B3GALT1: variants seen among roughly 807,000 people sequenced by gnomAD.
B3GALT1 encodes the protein beta-1,3-galactosyltransferase 1, also known as UDP-Gal:betaGlcNAc beta 1,3-galactosyltransferase, polypeptide 1.
B3GALT1 carries 10 observed loss-of-function variants against 23.2 expected under a neutral mutation model. The observed-to-expected ratio is 0.43, with a 90% confidence interval of 0.27 to 0.73. The LOEUF is 0.73. Among genes scored for constraint, B3GALT1 ranks in the 30% least tolerant of loss-of-function variants. The pLI, the probability that B3GALT1 is intolerant of heterozygous loss-of-function variation, is 0.21. For missense variants in B3GALT1, 299 were observed against 405.4 expected, an observed-to-expected ratio of 0.74 and a Z score of 2.25; for synonymous variants, 156 against 141.5, an observed-to-expected ratio of 1.10 and a Z score of -0.73.
At chr2:167,598,590 C>T (rs1200867263) in intron 2 of B3GALT1, among the ~76,000 whole-genome samples, 2 of 152,122 alleles carry the variant, frequency 1.3e-5, no homozygotes, top group Non-Finnish European at 2.9e-5. Context: ...AATATAGGCT[C>T]AAGTATAATT....
At chr2:167,640,388 G>A (rs1001148453) in intron 2 of B3GALT1, among the ~76,000 whole-genome samples, 1 of 151,146 alleles carries the variant, frequency 6.6e-6, no homozygotes, top group South Asian at 2.1e-4. Flanking sequence ...TTAATAACAG[G>A]TTACATATGT....
chr2:167,859,392 T>C (rs546435040), intron 4 of B3GALT1, among the ~76,000 whole-genome samples: 2 of 152,250 alleles, frequency 1.3e-5, no homozygotes, highest in South Asian at 4.1e-4. Context: ...GGGCAACACA[T>C]TGATTTGAAG....
At chr2:167,554,614 A>T (rs757404320) in intron 2 of B3GALT1, among the ~76,000 whole-genome samples, 1 of 152,178 alleles carries the variant, frequency 6.6e-6, no homozygotes, top group Non-Finnish European at 1.5e-5. Flanking sequence ...AGTGTATGCA[A>T]TAAGAGTAAA....
chr2:167,554,678 A>G (rs1474934355), intron 2 of B3GALT1, among the ~76,000 whole-genome samples: 3 of 152,042 alleles, frequency 2.0e-5, no homozygotes, highest in African/African-American at 7.2e-5. Context: ...ATTCCATAAA[A>G]CTCATAGCAC....
At chr2:167,606,852 GA>G (rs1438355184) in intron 2 of B3GALT1, among the ~76,000 whole-genome samples, 1 of 152,116 alleles carries the variant, frequency 6.6e-6, no homozygotes, top group African/African-American at 2.4e-5. Context: ...TTGAAATAAG[GA>G]TTTTGAAATA....
intron 3 of B3GALT1, among the ~76,000 whole-genome samples, chr2:167,741,030 A>G (rs944922522): frequency 1.2e-4 from 18 of 152,178 alleles, no homozygotes; most frequent in African/African-American, 4.1e-4. Context: ...GAGAACAGAA[A>G]TTGGAAAAGT....
chr2:167,685,833 G>A (rs531956871), intron 3 of B3GALT1, among the ~76,000 whole-genome samples: 6 of 152,314 alleles, frequency 3.9e-5, no homozygotes, highest in South Asian at 2.1e-4. Context: ...GGAAGGAGCC[G>A]AAAGGCAGTC....
intron 1 of B3GALT1, among the ~76,000 whole-genome samples, chr2:167,473,775 A>G (rs975512177): frequency 6.6e-6 from 1 of 152,168 alleles, no homozygotes; most frequent in Non-Finnish European, 1.5e-5. Context: ...GCTATTGTCT[A>G]TCAGAAGAAT....
At chr2:167,807,090 GT>G (rs200156397) in intron 3 of B3GALT1, among the ~76,000 whole-genome samples, 7,217 of 152,212 alleles carry the variant, frequency 0.047, 182 homozygotes, top group South Asian at 0.089. Flanking sequence ...AGATTTTCTA[GT>G]TTATTTGCGT....
At chr2:167,587,672 A>G (rs1394963299) in intron 2 of B3GALT1, among the ~76,000 whole-genome samples, 1 of 152,226 alleles carries the variant, frequency 6.6e-6, no homozygotes, top group Non-Finnish European at 1.5e-5. Flanking sequence ...TATGGCACAT[A>G]AAGTCTATTC....
At chr2:167,351,312 C>CA (rs971131106) in intron 1 of B3GALT1, among the ~76,000 whole-genome samples, 111 of 148,902 alleles carry the variant, frequency 7.5e-4, no homozygotes, top group African/African-American at 2.2e-3. Flanking sequence ...CACACAAAAA[C>CA]AAAAAAATGT....
chr2:167,411,778 C>T lies in B3GALT1; in HGVS notation c.-510-78399C>T, dbSNP rs115207291. 5.1e-3 allele frequency among the ~76,000 whole-genome samples: 775 copies of T among 152,256 alleles called. 8 individuals are homozygous for T. The highest frequency in any genetic ancestry group is 0.018 in the African/African-American group (741 of 41,544). On this transcript the variant is annotated intron_variant, in intron 1 of 4. Coordinates refer to ENST00000392690, the MANE Select transcript of B3GALT1 (RefSeq NM_020981.4). ...ACCTGCACTTCCATGTTTATTGTAG[C>T]ACTATTCACTGAAATATGGAATCAA...
At chr2:167,408,239 A>T (rs372187763) in intron 1 of B3GALT1, among the ~76,000 whole-genome samples, 1 of 152,234 alleles carries the variant, frequency 6.6e-6, no homozygotes, top group South Asian at 2.1e-4. Flanking sequence ...AATAAATGCA[A>T]TATATCACAT....
chr2:167,860,953 A>C lies in B3GALT1; in HGVS notation c.-229-7858A>C, dbSNP rs1690088278. On this transcript the variant is annotated intron_variant, in intron 4 of 4. Coordinates refer to ENST00000392690, the MANE Select transcript of B3GALT1 (RefSeq NM_020981.4). ...CATTCTTCTTTGAATGCTAATTACA[A>C]ATTTTTCAACCTTTGAAAGTTGGTT... 3.9e-5 allele frequency among the ~76,000 whole-genome samples: 6 copies of C among 152,224 alleles called. No individual in the cohort carries two copies. In the South Asian group the frequency reaches 1.2e-3, roughly 32 times the overall value.
intron 2 of B3GALT1, among the ~76,000 whole-genome samples, chr2:167,561,477 G>A (rs879652676): frequency 6.6e-5 from 10 of 151,866 alleles, no homozygotes; most frequent in Non-Finnish European, 1.3e-4. Flanking sequence ...GAAGGAAATA[G>A]AGACACAAAA....
intron 4 of B3GALT1, among the ~76,000 whole-genome samples, chr2:167,848,407 G>A (rs1205187497): frequency 6.6e-6 from 1 of 152,148 alleles, no homozygotes. Flanking sequence ...GATCAAGTGG[G>A]TTTCATACTG....
chr2:167,513,312 T>A (rs1253406170), intron 2 of B3GALT1, among the ~76,000 whole-genome samples: 1 of 152,166 alleles, frequency 6.6e-6, no homozygotes, highest in Non-Finnish European at 1.5e-5. Flanking sequence ...CAGCTTCGAT[T>A]TCCAATTGTA....
At chr2:167,626,575 C>G (rs1275421881) in intron 2 of B3GALT1, among the ~76,000 whole-genome samples, 4 of 151,582 alleles carry the variant, frequency 2.6e-5, no homozygotes, top group Non-Finnish European at 5.9e-5. Context: ...CTGATTCATT[C>G]TCTTATCCAA....
At position 167,869,896 on chromosome 2, in the gene B3GALT1, A is replaced by G. The variant is rs1690308848; in HGVS notation, c.857A>G (p.Asn286Ser). The change falls in exon 5 of 5, where the codon AAT (asparagine) becomes AGT (serine). Residue 286 changes from asparagine (N) to serine (S), a missense_variant. Coordinates refer to ENST00000392690, the MANE Select transcript of B3GALT1 (RefSeq NM_020981.4). The surrounding 1 kb of genome is among the most constrained non-coding windows in gnomAD (Gnocchi z 6.4). ...CATCCTTTCCAGAACAGTGGCTTCA[A>G]TCACTGGAAAATGGCCTACAGTTTG... ...GIHPFQNSGF[N>S]HWKMAYSLCR... The G allele has an allele frequency of 1.2e-6, 2 of 1,614,218 alleles. No individual in the cohort carries two copies. The highest frequency in any genetic ancestry group is 1.1e-5 in the South Asian group (1 of 91,080).
Sources: allele counts gnomAD v4.1 joint callset (sites outside exome capture counted in the v4.1 genomes callset), GRCh38; gene constraint gnomAD v4.1.1; non-coding constraint Gnocchi (gnomAD v3.1); transcripts MANE v1.5; gene names NCBI Gene and HGNC (gene_info 2026-07-23, HGNC 2026-07-21).